The following GPR155 variants were observed in gnomAD, a reference collection of about 807,000 sequenced individuals.
GPR155 encodes lysosomal cholesterol signaling protein.
A neutral mutation model predicts 93.1 loss-of-function variants in GPR155; 65 were observed. That is an observed-to-expected ratio of 0.70 (90% CI 0.57 to 0.86). GPR155 has a LOEUF of 0.86. Among genes scored for constraint, GPR155 ranks in the 40% least tolerant of loss-of-function variants. GPR155 has a pLI of 0.00. For synonymous variants in GPR155, 319 were observed against 360.1 expected, an observed-to-expected ratio of 0.89 and a Z score of 1.29; for missense variants, 838 against 1,034.8, an observed-to-expected ratio of 0.81 and a Z score of 2.61.
At chr2:174,445,666 C>T (rs1360448844) in intron 12 of GPR155, among the ~76,000 whole-genome samples, 2 of 152,090 alleles carry the variant, frequency 1.3e-5, no homozygotes, top group South Asian at 2.1e-4. Context: ...TACCTCTGGA[C>T]GAGTTACACT....
rs6719782 is a variant in GPR155, at chr2:174,446,792, C to T, written c.1877-45G>A. 0.011 allele frequency: 17,787 copies of T among 1,573,632 alleles called. 1,613 individuals carry two copies. In the African/African-American group the frequency reaches 0.2, roughly 18 times the overall value. ...ACAATTTGTAATCAGAGCTTTTTAT[C>T]TAAATGCATTTTAAATTTGTAATGA... On this transcript the variant is annotated intron_variant, in intron 11 of 15. Coordinates refer to ENST00000392552, the MANE Select transcript of GPR155 (RefSeq NM_152529.7).
chr2:174,439,765 A>C, intron 15 of GPR155, 133 bp downstream of exon 15: 1 of 687,094 alleles, frequency 1.5e-6, no homozygotes, highest in Non-Finnish European at 2.4e-6. Flanking sequence ...AATTCCTGTA[A>C]CTTTTACATG....
chr2:174,450,383 G>A (rs1687283505), intron 11 of GPR155, among the ~76,000 whole-genome samples: 1 of 152,096 alleles, frequency 6.6e-6, no homozygotes, highest in South Asian at 2.1e-4. Flanking sequence ...CTTAGTACCT[G>A]GGTGATGGGA....
rs374039573 is a variant in GPR155, at chr2:174,459,447, A to G, written c.1771+431T>C. Among the ~76,000 whole-genome samples the G allele has an allele frequency of 1.8e-4, 28 of 152,244 alleles. No homozygotes were observed. In the East Asian group the frequency reaches 1.9e-3, roughly 10 times the overall value. ...TTTACAAGCAAGTTTGTTGACTATG[A>G]TTCAAATTCTTCATTTGACAAGCAC... On this transcript the variant is annotated intron_variant, in intron 10 of 15. Coordinates refer to ENST00000392552, the MANE Select transcript of GPR155 (RefSeq NM_152529.7).
At chr2:174,456,336 G>A (rs12997466) in intron 10 of GPR155, among the ~76,000 whole-genome samples, 15 of 149,792 alleles carry the variant, frequency 1.0e-4, no homozygotes, top group South Asian at 4.2e-4. Flanking sequence ...ACAGTGTCTC[G>A]CTCCGTTTCC....
chr2:174,483,015 G>A (rs1688372656), intron 1 of GPR155: 1 of 151,988 alleles, frequency 6.6e-6, no homozygotes, highest in Admixed American at 6.6e-5. Context: ...TATACCTTTA[G>A]CTCCTTCTAC....
intron 7 of GPR155, among the ~76,000 whole-genome samples, chr2:174,465,319 T>A (rs1161627106): frequency 6.6e-6 from 1 of 152,220 alleles, no homozygotes; most frequent in East Asian, 1.9e-4. Flanking sequence ...GTCCTCAAAG[T>A]AACTCTGTAA....
At chr2:174,461,937 T>C (rs544534779) in intron 7 of GPR155, among the ~76,000 whole-genome samples, 37 of 152,254 alleles carry the variant, frequency 2.4e-4, no homozygotes, top group Non-Finnish European at 4.6e-4. Context: ...TCTCTCTGGT[T>C]TTTGTTGTTT....
chr2:174,455,146 C>T lies in GPR155; in HGVS notation c.1772-1305G>A, dbSNP rs190402189. On this transcript the variant is annotated intron_variant, in intron 10 of 15. Coordinates refer to ENST00000392552, the MANE Select transcript of GPR155 (RefSeq NM_152529.7). ...GATTTGATCATTACACAATGATCTC[C>T]AGCCTGGGCAACAGAGCGAGACTCC... Among the ~76,000 whole-genome samples the T allele has an allele frequency of 1.4e-3, 208 of 152,224 alleles. 1 individual carries two copies. Among genetic ancestry groups the T allele is most frequent in the Non-Finnish European group, 2.5e-3 (171 of 68,010 alleles).
intron 4 of GPR155, 87 bp downstream of exon 4, chr2:174,470,303 A>T: frequency 8.9e-7 from 1 of 1,125,244 alleles, no homozygotes; most frequent in Non-Finnish European, 1.2e-6. Context: ...TTCATTTTTA[A>T]AAAAGAATTT....
At chr2:174,453,926 A>G in intron 10 of GPR155, 85 bp from the exon 11 acceptor site, 1 of 872,754 alleles carries the variant, frequency 1.1e-6, no homozygotes, top group Non-Finnish European at 1.9e-6. Flanking sequence ...AAAACAAAAC[A>G]AAATCCACTC....
intron 2 of GPR155, among the ~76,000 whole-genome samples, chr2:174,474,249 G>T (rs1231279246): frequency 6.6e-6 from 1 of 152,180 alleles, no homozygotes; most frequent in Non-Finnish European, 1.5e-5. Flanking sequence ...GTCTAGCAAT[G>T]GTCCACAGTA....
At chr2:174,454,641 G>A (rs1687435490) in intron 10 of GPR155, among the ~76,000 whole-genome samples, 1 of 147,442 alleles carries the variant, frequency 6.8e-6, no homozygotes, top group African/African-American at 2.6e-5. Flanking sequence ...AAGGAAGGAA[G>A]GAAGGAGGGA....
chr2:174,460,201 C>G (rs1687649305), intron 9 of GPR155, 113 bp from the exon 10 acceptor site: 1 of 690,468 alleles, frequency 1.4e-6, no homozygotes, highest in Non-Finnish European at 2.3e-6. Context: ...TGCTCTGTCG[C>G]CCAGGCTGGA....
chr2:174,431,974 GT>G lies in GPR155; in HGVS notation c.*4141del, dbSNP rs777302925. ...GACTATGCTGAAGAAAAAGAGATAG[GT>G]TTTAATCAAAATTTTATCATTTTTC... On this transcript the variant is annotated 3_prime_UTR_variant, in exon 16 of 16. Transcript: ENST00000392552. The G allele has an allele frequency of 5.3e-5, 8 of 152,148 alleles. No homozygotes were observed. The highest frequency in any genetic ancestry group is 1.0e-4 in the Non-Finnish European group (7 of 68,018). 9.4% of individuals were successfully genotyped at this position (152,148 alleles called of 1,614,324 possible).
At chr2:174,457,023 A>G (rs1687538596) in intron 10 of GPR155, among the ~76,000 whole-genome samples, 1 of 152,224 alleles carries the variant, frequency 6.6e-6, no homozygotes, top group South Asian at 2.1e-4. Flanking sequence ...TTTAAAAAAG[A>G]AAACTGGGCC....
rs536991223 is a variant in GPR155, at chr2:174,469,127, T to A, written c.1027-60A>T. Reference sequence around the variant, plus strand: ...CTCAATTAAACAGTATTTTAAACTTTAAATAACCACGGCACACTAAAGCAT... The same window carrying A: ...CTCAATTAAACAGTATTTTAAACTTAAAATAACCACGGCACACTAAAGCAT... On this transcript the variant is annotated intron_variant, in intron 4 of 15. Coordinates refer to ENST00000392552, the MANE Select transcript of GPR155 (RefSeq NM_152529.7). The A allele has an allele frequency of 5.4e-4, 777 of 1,444,476 alleles. 1 individual carries two copies. The highest frequency in any genetic ancestry group is 5.3e-4 in the Non-Finnish European group (545 of 1,033,876). 89.5% of individuals were successfully genotyped at this position (1,444,476 alleles called of 1,614,324 possible). A position where few individuals can be genotyped will look rare whatever the true frequency, so the allele number is the denominator to read the frequency against.
chr2:174,450,509 C>T (rs909237542), intron 11 of GPR155, among the ~76,000 whole-genome samples: 1 of 152,084 alleles, frequency 6.6e-6, no homozygotes, highest in Non-Finnish European at 1.5e-5. Context: ...TAGGAAACAC[C>T]TTTGAGGAAC....
chr2:174,475,293 T>G (rs1261429642), intron 2 of GPR155, among the ~76,000 whole-genome samples: 1 of 22,314 alleles, frequency 4.5e-5, no homozygotes, highest in African/African-American at 2.7e-4. Context: ...AGACTCCGTC[T>G]CAAAAAAAAA....
Sources: gnomAD v4.1 joint callset for allele counts (sites outside exome capture counted in the v4.1 genomes callset) on GRCh38, gnomAD v4.1.1 for gene constraint, MANE v1.5 for transcripts, NCBI Gene and HGNC (gene_info 2026-07-23, HGNC 2026-07-21) for gene names.